TNFSF4: variants seen among roughly 807,000 people sequenced by gnomAD.
TNFSF4 encodes the protein TNF superfamily member 4, also known as tumor necrosis factor ligand superfamily member 4.
A neutral mutation model predicts 7.3 loss-of-function variants in TNFSF4; 4 were observed. The ratio of observed to expected loss-of-function variants is 0.55; its 90% CI spans 0.27 to 1.25. The LOEUF is 1.25. Ranked by LOEUF, TNFSF4 falls within the 50% of genes most tolerant of loss-of-function variation. The pLI, the probability that TNFSF4 is intolerant of heterozygous loss-of-function variation, is 0.12. For missense variants in TNFSF4, 181 were observed against 208.8 expected, an observed-to-expected ratio of 0.87 and a Z score of 0.82; for synonymous variants, 76 against 83.7, an observed-to-expected ratio of 0.91 and a Z score of 0.50.
chr1:173,370,599 T>C, the TNFSF4 span, among the ~76,000 whole-genome samples: 3 of 152,216 alleles, frequency 2.0e-5, no homozygotes, highest in African/African-American at 7.2e-5. Context: ...CCTGACTCCC[T>C]TGAGGGTCAA....
At chr1:173,361,932 T>A in the TNFSF4 span, among the ~76,000 whole-genome samples, 2 of 152,208 alleles carry the variant, frequency 1.3e-5, no homozygotes, top group African/African-American at 4.8e-5. Context: ...TCATGCTGGA[T>A]ATCTGGATAC....
the TNFSF4 span, among the ~76,000 whole-genome samples, chr1:173,237,528 C>T: frequency 8.5e-5 from 13 of 152,236 alleles, no homozygotes; most frequent in South Asian, 1.7e-3. Flanking sequence ...AGCCCAAAAG[C>T]TCCCTGGGCT....
the TNFSF4 span, among the ~76,000 whole-genome samples, chr1:173,413,542 G>A: frequency 6.6e-6 from 1 of 152,210 alleles, no homozygotes; most frequent in South Asian, 2.1e-4. Flanking sequence ...AGAGACCACA[G>A]GGCACATCGG....
At chr1:173,440,395 A>G in the TNFSF4 span, 1 of 151,944 alleles carries the variant, frequency 6.6e-6, no homozygotes, top group Non-Finnish European at 1.5e-5. Flanking sequence ...CCTTTTCCCA[A>G]TGGGGTGGGG....
At chr1:173,181,965 C>CA (rs1177311879), downstream of TNFSF4, among the ~76,000 whole-genome samples, 1 of 151,854 alleles carries the variant, frequency 6.6e-6, no homozygotes, top group Non-Finnish European at 1.5e-5. Context: ...AAAGGGCTGC[C>CA]AAAAAATATA....
chr1:173,352,028 G>C, the TNFSF4 span: 1 of 370,850 alleles, frequency 2.7e-6, no homozygotes, highest in Non-Finnish European at 4.9e-6. Flanking sequence ...TTATATACAA[G>C]TTTTGATTAA....
chr1:173,359,510 TAAAAAAAAAAAAAAAAAAA>T, the TNFSF4 span, among the ~76,000 whole-genome samples: 289 of 122,620 alleles, frequency 2.4e-3, 2 homozygotes, highest in South Asian at 9.1e-3. Context: ...TTACCAGCTG[TAAAAAAAAAAAAAAAAAAA>T]AAAAAAAAAA....
chr1:173,341,470 G>A, the TNFSF4 span, among the ~76,000 whole-genome samples: 1 of 152,150 alleles, frequency 6.6e-6, no homozygotes, highest in African/African-American at 2.4e-5. Flanking sequence ...ACTAAGGCCT[G>A]GTCACCCAGT....
At chr1:173,310,383 T>C in the TNFSF4 span, among the ~76,000 whole-genome samples, 3 of 151,938 alleles carry the variant, frequency 2.0e-5, no homozygotes, top group African/African-American at 7.2e-5. Flanking sequence ...TTAATTTCCA[T>C]TGTGATTTTT....
chr1:173,281,224 G>GA, the TNFSF4 span, among the ~76,000 whole-genome samples: 5 of 149,812 alleles, frequency 3.3e-5, no homozygotes, highest in South Asian at 4.2e-4. Flanking sequence ...AACAAAAAAA[G>GA]AAAAAAAAAG....
chr1:173,435,135 T>C, the TNFSF4 span, among the ~76,000 whole-genome samples: 1 of 152,116 alleles, frequency 6.6e-6, no homozygotes, highest in Non-Finnish European at 1.5e-5. Flanking sequence ...TGGTAAGCAG[T>C]AAAGCCAAGT....
chr1:173,394,993 TA>T, the TNFSF4 span, among the ~76,000 whole-genome samples: 1 of 111,812 alleles, frequency 8.9e-6, no homozygotes, highest in African/African-American at 3.7e-5. Context: ...GACACATAGA[TA>T]GATAGATAGA....
intron 1 of TNFSF4, among the ~76,000 whole-genome samples, chr1:173,189,988 T>G (rs1430944180): frequency 6.6e-6 from 1 of 151,020 alleles, no homozygotes; most frequent in African/African-American, 2.4e-5. Context: ...GGCAGGCAGA[T>G]CAGCTGAGGT....
At chr1:173,254,451 G>A in the TNFSF4 span, among the ~76,000 whole-genome samples, 3 of 152,176 alleles carry the variant, frequency 2.0e-5, no homozygotes, top group East Asian at 3.9e-4. Context: ...ACTGACTCCA[G>A]TAGACTGGAA....
chr1:173,353,922 G>C, the TNFSF4 span, among the ~76,000 whole-genome samples: 1 of 151,520 alleles, frequency 6.6e-6, no homozygotes, highest in Admixed American at 6.6e-5. Context: ...TAATTCTAAA[G>C]AACTAGAAAA....
chr1:173,402,107 A>T, the TNFSF4 span, among the ~76,000 whole-genome samples: 12 of 152,256 alleles, frequency 7.9e-5, no homozygotes, highest in African/African-American at 2.2e-4. Context: ...ATGCTCAGAA[A>T]CTTTCTATTG....
At chr1:173,423,855 T>TA in the TNFSF4 span, among the ~76,000 whole-genome samples, 1 of 152,124 alleles carries the variant, frequency 6.6e-6, no homozygotes, top group African/African-American at 2.4e-5. Context: ...TTGTAAACAA[T>TA]AAAAAATTTA....
At chr1:173,403,960 G>A in the TNFSF4 span, among the ~76,000 whole-genome samples, 1 of 151,966 alleles carries the variant, frequency 6.6e-6, no homozygotes, top group Non-Finnish European at 1.5e-5. Flanking sequence ...TTTAGTGCCT[G>A]AAGGGGGAAA....
the TNFSF4 span, among the ~76,000 whole-genome samples, chr1:173,308,717 T>C: frequency 5.7e-4 from 86 of 152,048 alleles, 1 homozygote; most frequent in Admixed American, 1.8e-3. Context: ...CCATGTTATC[T>C]GGGGGCTCAG....
Sources: gnomAD v4.1 joint callset for allele counts (sites outside exome capture counted in the v4.1 genomes callset) on GRCh38, gnomAD v4.1.1 for gene constraint, MANE v1.5 for transcripts, NCBI Gene and HGNC (gene_info 2026-07-23, HGNC 2026-07-21) for gene names.